Variants in BLTP3A observed in about 807,000 individuals in gnomAD.
BLTP3A encodes ICBP90 binding protein 1.
At chr6:34,831,998 A>G in the BLTP3A span, among the ~76,000 whole-genome samples, 5 of 151,904 alleles carry the variant, frequency 3.3e-5, no homozygotes, top group South Asian at 1.0e-3. Flanking sequence ...TATTTTTAGT[A>G]GAGATGGGGT....
chr6:34,805,619 T>C, the BLTP3A span, among the ~76,000 whole-genome samples: 3 of 138,634 alleles, frequency 2.2e-5, no homozygotes, highest in Non-Finnish European at 3.1e-5. Flanking sequence ...AAAGATAAGC[T>C]GGGTGTGGTG....
chr6:34,860,057 C>T, the BLTP3A span, among the ~76,000 whole-genome samples: 1 of 152,138 alleles, frequency 6.6e-6, no homozygotes, highest in Non-Finnish European at 1.5e-5. Flanking sequence ...ATTTGTACCC[C>T]CAGTTTATAG....
At chr6:34,834,825 G>A in the BLTP3A span, 8 of 1,614,082 alleles carry the variant, frequency 5.0e-6, no homozygotes, top group South Asian at 2.2e-5. Context: ...GGCTTATTAC[G>A]AACCAAGGCA....
chr6:34,851,938 G>A, the BLTP3A span, among the ~76,000 whole-genome samples: 2 of 152,082 alleles, frequency 1.3e-5, no homozygotes, highest in African/African-American at 4.8e-5. Context: ...CCTGGCTACT[G>A]CCAATGTTTA....
the BLTP3A span, chr6:34,835,187 C>A: frequency 8.3e-7 from 1 of 1,203,746 alleles, no homozygotes; most frequent in Non-Finnish European, 1.2e-6. Flanking sequence ...GATACTTTCA[C>A]ATATTGGAGA....
the BLTP3A span, chr6:34,871,767 T>C: frequency 6.2e-7 from 1 of 1,611,712 alleles, no homozygotes; most frequent in East Asian, 2.2e-5. Context: ...CTAGGAACTG[T>C]TTGGGAGTTG....
At chr6:34,805,735 CAAAAA>C in the BLTP3A span, among the ~76,000 whole-genome samples, 77 of 73,730 alleles carry the variant, frequency 1.0e-3, no homozygotes, top group African/African-American at 3.3e-3. Context: ...GACCCTATCT[CAAAAA>C]AAAAAAAAAA....
At chr6:34,808,585 C>CT in the BLTP3A span, among the ~76,000 whole-genome samples, 839 of 147,364 alleles carry the variant, frequency 5.7e-3, 5 homozygotes, top group Non-Finnish European at 7.8e-3. Context: ...TTATGAACAC[C>CT]TTTTTTTTTT....
chr6:34,808,182 G>A, the BLTP3A span, among the ~76,000 whole-genome samples: 1 of 151,270 alleles, frequency 6.6e-6, no homozygotes, highest in Non-Finnish European at 1.5e-5. Context: ...CATCTCTACT[G>A]AAAATACCAA....
the BLTP3A span, among the ~76,000 whole-genome samples, chr6:34,820,140 C>A: frequency 1.2e-4 from 19 of 152,014 alleles, no homozygotes; most frequent in East Asian, 3.7e-3. Flanking sequence ...CATGTAGCTC[C>A]CTCTTCTGTT....
chr6:34,806,228 G>A, the BLTP3A span, among the ~76,000 whole-genome samples: 1 of 152,176 alleles, frequency 6.6e-6, no homozygotes, highest in South Asian at 2.1e-4. Context: ...TATGTTTGAC[G>A]TAGACTAAAT....
At chr6:34,829,435 T>C in the BLTP3A span, among the ~76,000 whole-genome samples, 2 of 152,330 alleles carry the variant, frequency 1.3e-5, no homozygotes, top group East Asian at 3.9e-4. Context: ...AATAAAGAAC[T>C]GTTATGTACT....
At chr6:34,807,343 GAT>G in the BLTP3A span, among the ~76,000 whole-genome samples, 1 of 152,172 alleles carries the variant, frequency 6.6e-6, no homozygotes, top group African/African-American at 2.4e-5. Flanking sequence ...CTATCCCTGA[GAT>G]AGAGTCACTG....
the BLTP3A span, among the ~76,000 whole-genome samples, chr6:34,851,435 C>T: frequency 1.9e-3 from 285 of 152,270 alleles, 1 homozygote; most frequent in South Asian, 2.7e-3. Context: ...CAAGAATTCC[C>T]TGTATTACCA....
the BLTP3A span, among the ~76,000 whole-genome samples, chr6:34,838,750 G>A: frequency 6.6e-6 from 1 of 152,170 alleles, no homozygotes; most frequent in Non-Finnish European, 1.5e-5. Flanking sequence ...TTCAAGACCA[G>A]CCTGGGCAAC....
the BLTP3A span, among the ~76,000 whole-genome samples, chr6:34,831,139 T>C: frequency 1.3e-5 from 2 of 151,994 alleles, no homozygotes; most frequent in African/African-American, 2.4e-5. Context: ...TTTTTTTTTT[T>C]TTTTTGAGAC....
chr6:34,809,085 T>C, the BLTP3A span, among the ~76,000 whole-genome samples: 2 of 152,186 alleles, frequency 1.3e-5, no homozygotes, highest in Non-Finnish European at 2.9e-5. Flanking sequence ...ATGACAAAGA[T>C]GTTATAAGGA....
chr6:34,844,247 G>T, the BLTP3A span, among the ~76,000 whole-genome samples: 1 of 152,108 alleles, frequency 6.6e-6, no homozygotes, highest in Non-Finnish European at 1.5e-5. Flanking sequence ...CTCCCAAAGT[G>T]CTGGGATTAC....
chr6:34,864,736 G>A, the BLTP3A span, among the ~76,000 whole-genome samples: 1 of 152,118 alleles, frequency 6.6e-6, no homozygotes, highest in Non-Finnish European at 1.5e-5. Flanking sequence ...GGGAGGCCGA[G>A]GCGGGTGGAT....
Sources: gnomAD v4.1 joint callset for allele counts (sites outside exome capture counted in the v4.1 genomes callset) on GRCh38, gnomAD v4.1.1 for gene constraint, MANE v1.5 for transcripts, NCBI Gene and HGNC (gene_info 2026-07-23, HGNC 2026-07-21) for gene names.